The following DYNC1LI1 variants were observed in gnomAD, a reference collection of about 807,000 sequenced individuals.
The protein encoded by DYNC1LI1 is dynein cytoplasmic 1 light intermediate chain 1.
In DYNC1LI1, 19 loss-of-function variants were observed where a neutral mutation model predicts 63.8. That is an observed-to-expected ratio of 0.30 (90% CI 0.21 to 0.44). The LOEUF (loss-of-function observed/expected upper bound fraction) is 0.44, where lower values mean the gene tolerates loss of function less well. DYNC1LI1 is among the 20% of genes least tolerant of loss of function. The pLI is 1.00. For synonymous variants in DYNC1LI1, 225 were observed against 232.3 expected, an observed-to-expected ratio of 0.97 and a Z score of 0.28; for missense variants, 565 against 630.2, an observed-to-expected ratio of 0.90 and a Z score of 1.11.
At chr3:32,544,743 C>CAAA (rs35750953) in intron 4 of DYNC1LI1, 133 bp downstream of exon 4, 34 of 555,644 alleles carry the variant, frequency 6.1e-5, no homozygotes, top group Middle Eastern at 4.6e-4. Flanking sequence ...CTCTTGTCTC[C>CAAA]AAAAAAAAAA....
At chr3:32,569,082 C>CAA (rs1433215282) in intron 2 of DYNC1LI1, among the ~76,000 whole-genome samples, 2 of 152,126 alleles carry the variant, frequency 1.3e-5, no homozygotes, top group Non-Finnish European at 2.9e-5. Context: ...AACATTAACT[C>CAA]ATTTGATTCC....
chr3:32,546,079 T>C (rs1464439834), intron 2 of DYNC1LI1, 114 bp from the exon 3 acceptor site: 11 of 663,372 alleles, frequency 1.7e-5, no homozygotes, highest in Non-Finnish European at 2.8e-5. Flanking sequence ...AAAAAGGCAA[T>C]TTGATGAAAT....
chr3:32,529,430 A>G (rs1352023240), intron 11 of DYNC1LI1, 110 bp downstream of exon 11: 1 of 1,042,880 alleles, frequency 9.6e-7, no homozygotes, highest in Non-Finnish European at 1.3e-6. Context: ...GACAAAGCCT[A>G]AAAGGTATTA....
At chr3:32,546,422 AT>A in intron 2 of DYNC1LI1, among the ~76,000 whole-genome samples, 1 of 152,018 alleles carries the variant, frequency 6.6e-6, no homozygotes. Flanking sequence ...AAAAAAAAAG[AT>A]AAAAAAGATG....
chr3:32,526,806 G>C lies in DYNC1LI1; in HGVS notation c.1565C>G (p.Ala522Gly), dbSNP rs763777602. Reference sequence around the variant, plus strand: ...TGGCTTTATTTGGTATCTTCAAGAAGCTTCTCCTTCCGTAGGAGATGTAGG... The same window carrying C: ...TGGCTTTATTTGGTATCTTCAAGAACCTTCTCCTTCCGTAGGAGATGTAGG... ...TTPTSPTEGE[A>G]S The change falls in exon 13 of 13, where the codon GCT becomes GGT. Residue 522 changes from alanine to glycine, a missense_variant. Ala to Gly is a moderately conservative substitution (Grantham distance 60). Transcript: ENST00000273130. The C allele has an allele frequency of 6.2e-7, 1 of 1,606,574 alleles. No homozygotes were observed. Among genetic ancestry groups the C allele is most frequent in the Non-Finnish European group, 8.5e-7 (1 of 1,173,312 alleles).
chr3:32,530,596 G>C, intron 8 of DYNC1LI1, 76 bp from the exon 9 acceptor site: 1 of 1,297,736 alleles, frequency 7.7e-7, no homozygotes, highest in Non-Finnish European at 1.1e-6. Flanking sequence ...CTCTAGATTG[G>C]ACTAATTAAA....
intron 2 of DYNC1LI1, among the ~76,000 whole-genome samples, chr3:32,567,159 T>C (rs1046531792): frequency 5.9e-5 from 9 of 152,228 alleles, no homozygotes; most frequent in African/African-American, 2.2e-4. Flanking sequence ...GGAACTTCTA[T>C]CAAGTTAGAA....
intron 12 of DYNC1LI1, among the ~76,000 whole-genome samples, chr3:32,528,118 A>C (rs1697646356): frequency 9.0e-6 from 1 of 110,504 alleles, no homozygotes; most frequent in Non-Finnish European, 1.8e-5. Context: ...ATCTCAAAAA[A>C]AAAAAAAAAA....
intron 12 of DYNC1LI1, among the ~76,000 whole-genome samples, chr3:32,527,670 A>G (rs1258018005): frequency 2.6e-5 from 4 of 152,224 alleles, no homozygotes; most frequent in Admixed American, 2.6e-4. Flanking sequence ...TATTTACCCA[A>G]GAGAATTACA....
intron 2 of DYNC1LI1, among the ~76,000 whole-genome samples, chr3:32,551,976 T>C (rs1698049237): frequency 1.3e-5 from 2 of 152,198 alleles, no homozygotes; most frequent in Non-Finnish European, 2.9e-5. Flanking sequence ...AAGGCTCAGC[T>C]TCTCCCAAAC....
At chr3:32,545,808 C>T in intron 3 of DYNC1LI1, 41 bp downstream of exon 3, 1 of 1,428,688 alleles carries the variant, frequency 7.0e-7, no homozygotes, top group Non-Finnish European at 9.9e-7. Context: ...CAGTGCACCT[C>T]AAAATAGACT....
chr3:32,532,891 A>ACATT lies in DYNC1LI1; in HGVS notation c.1080+91_1080+94dup, dbSNP rs555928008. 8.8e-5 allele frequency: 124 copies of ACATT among 1,404,422 alleles called. No homozygotes were observed. The African/African-American group carries it at 1.6e-3, about 18-fold the overall frequency. The allele number at this position is 1,404,422 out of a possible 1,614,324, so 87.0% of individuals were successfully genotyped here. On this transcript the variant is annotated intron_variant, in intron 8 of 12. Coordinates refer to ENST00000273130, the MANE Select transcript of DYNC1LI1 (RefSeq NM_016141.4). ...TTAGAAACCCTCCAGATGGAAAAGG[A>ACATT]CATTTTTGCCTTTCTACATTTAATT... is the stretch of plus-strand genomic sequence containing the variant.
At chr3:32,557,535 T>C (rs1698131055) in intron 2 of DYNC1LI1, among the ~76,000 whole-genome samples, 1 of 149,020 alleles carries the variant, frequency 6.7e-6, no homozygotes. Flanking sequence ...AAAAAGTAAA[T>C]AAATAAAAAT....
intron 2 of DYNC1LI1, among the ~76,000 whole-genome samples, chr3:32,557,300 G>A (rs1389762319): frequency 6.6e-6 from 1 of 152,076 alleles, no homozygotes; most frequent in African/African-American, 2.4e-5. Context: ...TGGATCACCT[G>A]AGGTCAGGAG....
chr3:32,560,716 T>TC (rs1698178515), intron 2 of DYNC1LI1, among the ~76,000 whole-genome samples: 3 of 151,834 alleles, frequency 2.0e-5, no homozygotes, highest in Non-Finnish European at 4.4e-5. Context: ...AAAATAACAT[T>TC]TAGTTGGCCG....
intron 2 of DYNC1LI1, among the ~76,000 whole-genome samples, chr3:32,558,233 AAAC>A (rs1428516720): frequency 1.3e-5 from 2 of 152,040 alleles, no homozygotes; most frequent in South Asian, 2.1e-4. Context: ...ACCCTGTCTC[AAAC>A]AACAACAACA....
chr3:32,555,990 A>G (rs185899386), intron 2 of DYNC1LI1, among the ~76,000 whole-genome samples: 3 of 152,358 alleles, frequency 2.0e-5, no homozygotes, highest in Non-Finnish European at 4.4e-5. Context: ...CTGTTCTTAC[A>G]GGTAAAGGGC....
At position 32,556,212 on chromosome 3, in the gene DYNC1LI1, A is replaced by C. The variant is rs1349880307; in HGVS notation, c.221-10247T>G. Reference sequence around the variant, plus strand: ...CCTTCCCCTCACCTGGGAGAACGCTATCTTCTTCTGGTCTCTAGGAAGCTT... The same window carrying C: ...CCTTCCCCTCACCTGGGAGAACGCTCTCTTCTTCTGGTCTCTAGGAAGCTT... On this transcript the variant is annotated intron_variant, in intron 2 of 12. Coordinates refer to ENST00000273130, the MANE Select transcript of DYNC1LI1 (RefSeq NM_016141.4). 2.0e-5 allele frequency among the ~76,000 whole-genome samples: 3 copies of C among 152,234 alleles called. No homozygotes were observed. In the East Asian group the frequency reaches 5.8e-4, roughly 29 times the overall value.
chr3:32,526,683 TAA>T lies in DYNC1LI1; in HGVS notation c.*114_*115del. On this transcript the variant is annotated 3_prime_UTR_variant, in exon 13 of 13. Transcript: ENST00000273130. ...CACACACACACACACACACACGACA[TAA>T]ATTTAGTCCATCTGAAGAAGCACTC... 1.4e-6 allele frequency: 1 copy of T among 712,196 alleles called. No homozygotes were observed. The highest frequency in any genetic ancestry group is 1.7e-5 in the South Asian group (1 of 58,474). 44.1% of individuals were successfully genotyped at this position (712,196 alleles called of 1,614,324 possible).
Sources: gnomAD v4.1 joint callset for allele counts (sites outside exome capture counted in the v4.1 genomes callset) on GRCh38, gnomAD v4.1.1 for gene constraint, MANE v1.5 for transcripts, NCBI Gene and HGNC (gene_info 2026-07-23, HGNC 2026-07-21) for gene names.